Variants in YTHDF3 observed in about 807,000 individuals in gnomAD.
The protein encoded by YTHDF3 is YTH N6-methyladenosine RNA binding protein F3.
YTHDF3 carries 9 observed loss-of-function variants against 52.5 expected under a neutral mutation model. The ratio of observed to expected loss-of-function variants is 0.17; its 90% CI spans 0.10 to 0.30. YTHDF3 has a LOEUF of 0.30. Among genes scored for constraint, YTHDF3 ranks in the 10% least tolerant of loss-of-function variants. The probability of loss-of-function intolerance (pLI) is 1.00; values close to 1 mark genes in which losing one functional copy is unlikely to be tolerated. For missense variants in YTHDF3, 534 were observed against 715.0 expected, an observed-to-expected ratio of 0.75 and a Z score of 2.89; for synonymous variants, 274 against 243.3, an observed-to-expected ratio of 1.13 and a Z score of -1.18.
At chr8:63,183,870 C>T (rs1028705857) in intron 3 of YTHDF3, among the ~76,000 whole-genome samples, 1 of 152,180 alleles carries the variant, frequency 6.6e-6, no homozygotes, top group African/African-American at 2.4e-5. Flanking sequence ...ATACCAAAAT[C>T]TGTGTATGCT....
chr8:63,197,988 G>A (rs933496208), intron 4 of YTHDF3, among the ~76,000 whole-genome samples: 4 of 151,952 alleles, frequency 2.6e-5, no homozygotes, highest in African/African-American at 9.7e-5. Context: ...ACTATTTTTG[G>A]TTCAGTTGCT....
intron 4 of YTHDF3, among the ~76,000 whole-genome samples, chr8:63,204,678 C>T (rs1809883490): frequency 6.6e-6 from 1 of 152,184 alleles, no homozygotes; most frequent in Admixed American, 6.5e-5. Flanking sequence ...TGTTGCATTT[C>T]ATAGCAAGTG....
rs371133399 is a variant in YTHDF3 at position 63,171,827 on chromosome 8, A to G, written c.49+2416A>G. ...GTTGGTGTCAGTTAAAGTTTTGAAC[A>G]CGTAATCCTTTTCAGTCAACTTACT... On this transcript the variant is annotated intron_variant, in intron 2 of 4. Transcript: ENST00000539294. 2.6e-5 allele frequency among the ~76,000 whole-genome samples: 4 copies of G among 152,338 alleles called. 1 individual carries two copies.
chr8:63,187,756 A>G lies in YTHDF3; in HGVS notation c.1734+11A>G. On this transcript the variant is annotated intron_variant, in intron 4 of 4. Coordinates refer to ENST00000539294, the MANE Select transcript of YTHDF3 (RefSeq NM_152758.6). ...GAAGCCATGCGTAGGGTAAGAATAT[A>G]GTAATTTTTTGTTTGGGGTCTTTGT... The G allele has an allele frequency of 6.4e-7, 1 of 1,573,444 alleles. No individual in the cohort carries two copies. The highest frequency in any genetic ancestry group is 8.6e-7 in the Non-Finnish European group (1 of 1,161,584).
intron 4 of YTHDF3, among the ~76,000 whole-genome samples, chr8:63,206,767 A>G (rs1198473470): frequency 2.0e-5 from 3 of 151,808 alleles, no homozygotes; most frequent in Non-Finnish European, 2.9e-5. Context: ...TCCCTCTAAA[A>G]CTTCAGCTTT....
chr8:63,209,803 T>C lies in YTHDF3; in HGVS notation c.*97T>C. ...AAGACGTATTAAAGCTCTTTTCTGC[T>C]TAAGGTGACATCTTTGAACACTTTA... On this transcript the variant is annotated 3_prime_UTR_variant, in exon 5 of 5. Coordinates refer to ENST00000539294, the MANE Select transcript of YTHDF3 (RefSeq NM_152758.6). The C allele has an allele frequency of 8.0e-7, 1 of 1,253,944 alleles. No homozygotes were observed. Among genetic ancestry groups the C allele is most frequent in the South Asian group, 1.4e-5 (1 of 69,132 alleles). 77.7% of individuals were successfully genotyped at this position (1,253,944 alleles called of 1,614,324 possible).
chr8:63,204,384 G>A (rs1163266213), intron 4 of YTHDF3, among the ~76,000 whole-genome samples: 6 of 141,644 alleles, frequency 4.2e-5, no homozygotes, highest in Admixed American at 2.9e-4. Context: ...TTTTTGAGAC[G>A]GAGTTTTGCT....
intron 3 of YTHDF3, 164 bp downstream of exon 3, chr8:63,175,580 C>A: frequency 1.9e-6 from 1 of 530,864 alleles, no homozygotes; most frequent in Non-Finnish European, 3.4e-6. Context: ...ATTTATGGCA[C>A]AGGAGAGTTC....
intron 4 of YTHDF3, among the ~76,000 whole-genome samples, chr8:63,190,226 A>T: frequency 6.6e-6 from 1 of 152,084 alleles, no homozygotes; most frequent in East Asian, 1.9e-4. Flanking sequence ...GAGATTACTT[A>T]GGACAAAGGA....
In YTHDF3 at chr8:63,187,877, G is replaced by T. The variant is rs187285246; in HGVS notation, c.1734+132G>T. On this transcript the variant is annotated intron_variant, in intron 4 of 4. Transcript: ENST00000539294. ...AAGAAACAACTCTACAAACACCCTT[G>T]AAGGTATCTATGTGTGTCCTATATG... The T allele has an allele frequency of 5.5e-4, 563 of 1,028,314 alleles. 3 individuals are homozygous for T. Among genetic ancestry groups the T allele is most frequent in the South Asian group, 2.2e-3 (127 of 57,272 alleles). The allele number at this position is 1,028,314 out of a possible 1,614,324, so 63.7% of individuals were successfully genotyped here. A position where few individuals can be genotyped will look rare whatever the true frequency, so the allele number is the denominator to read the frequency against.
chr8:63,178,904 C>G (rs1468598528), intron 3 of YTHDF3, among the ~76,000 whole-genome samples: 1 of 152,124 alleles, frequency 6.6e-6, no homozygotes, highest in Non-Finnish European at 1.5e-5. Context: ...AAGATACTGG[C>G]AAATTTAGAG....
intron 4 of YTHDF3, among the ~76,000 whole-genome samples, chr8:63,194,083 A>G (rs1809085101): frequency 6.6e-6 from 1 of 152,104 alleles, no homozygotes; most frequent in Non-Finnish European, 1.5e-5. Flanking sequence ...CATTAGGAAA[A>G]TGGCCAAATA....
chr8:63,208,408 C>T (rs7011111), intron 4 of YTHDF3, among the ~76,000 whole-genome samples: 13,206 of 152,144 alleles, frequency 0.087, 793 homozygotes, highest in East Asian at 0.35. Flanking sequence ...TTTACTCATG[C>T]AAAAATAAAA....
At chr8:63,203,996 C>T (rs1389081368) in intron 4 of YTHDF3, among the ~76,000 whole-genome samples, 2 of 152,102 alleles carry the variant, frequency 1.3e-5, no homozygotes, top group African/African-American at 4.8e-5. Flanking sequence ...TTCTGTTATT[C>T]CCTTTGTGTA....
intron 4 of YTHDF3, among the ~76,000 whole-genome samples, chr8:63,204,107 T>C (rs538521048): frequency 1.3e-5 from 2 of 152,330 alleles, no homozygotes; most frequent in South Asian, 4.1e-4. Flanking sequence ...GTGACATTTT[T>C]TGTTGTTTGT....
chr8:63,169,012 C>T (rs1477831382), intron 1 of YTHDF3, 111 bp downstream of exon 1: 3 of 1,476,482 alleles, frequency 2.0e-6, no homozygotes, highest in South Asian at 2.7e-5. Context: ...CATAACGGTG[C>T]CCCGGGCGCA....
At chr8:63,173,228 AGT>A (rs1369262455) in intron 2 of YTHDF3, among the ~76,000 whole-genome samples, 9 of 148,714 alleles carry the variant, frequency 6.1e-5, no homozygotes, top group African/African-American at 2.3e-4. Flanking sequence ...ATAAATTTTA[AGT>A]AAGTACTTTT....
chr8:63,195,520 A>G (rs545832339), intron 4 of YTHDF3, among the ~76,000 whole-genome samples: 37 of 152,330 alleles, frequency 2.4e-4, no homozygotes, highest in East Asian at 1.7e-3. Context: ...ATGTGCAGCA[A>G]TAGAGATGAA....
At chr8:63,190,479 T>G (rs1183405236) in intron 4 of YTHDF3, among the ~76,000 whole-genome samples, 3 of 152,196 alleles carry the variant, frequency 2.0e-5, no homozygotes, top group Middle Eastern at 3.2e-3. Context: ...AATATTACCC[T>G]TATATTGTTT....
Sources: allele counts gnomAD v4.1 joint callset (sites outside exome capture counted in the v4.1 genomes callset), GRCh38; gene constraint gnomAD v4.1.1; transcripts MANE v1.5; gene names NCBI Gene and HGNC (gene_info 2026-07-23, HGNC 2026-07-21).